Variants in SLC7A1 observed in about 807,000 individuals in gnomAD.
The protein encoded by SLC7A1 is high affinity cationic amino acid transporter 1.
A neutral mutation model predicts 53.9 loss-of-function variants in SLC7A1; 10 were observed. The observed-to-expected ratio is 0.19, with a 90% CI of 0.11 to 0.31. The LOEUF is 0.31. SLC7A1 is among the 10% of genes least tolerant of loss of function. The pLI, the probability that SLC7A1 is intolerant of heterozygous loss-of-function variation, is 1.00. For synonymous variants in SLC7A1, 342 were observed against 338.7 expected, an observed-to-expected ratio of 1.01 and a Z score of -0.11; for missense variants, 525 against 827.2, an observed-to-expected ratio of 0.63 and a Z score of 4.48.
At chr13:29,593,998 T>C (rs1313493827) in intron 1 of SLC7A1, among the ~76,000 whole-genome samples, 2 of 152,244 alleles carry the variant, frequency 1.3e-5, no homozygotes, top group Non-Finnish European at 1.5e-5. Context: ...CCTAAGTTTC[T>C]ATTCTGTTCG....
intron 5 of SLC7A1, among the ~76,000 whole-genome samples, chr13:29,527,571 C>A (rs1162596252): frequency 1.3e-5 from 2 of 152,210 alleles, no homozygotes; most frequent in Non-Finnish European, 2.9e-5. Flanking sequence ...AAGAGAGGGG[C>A]TGCCAAGAGC....
chr13:29,570,583 C>G (rs1002074776), intron 1 of SLC7A1, among the ~76,000 whole-genome samples: 2 of 152,158 alleles, frequency 1.3e-5, no homozygotes, highest in Admixed American at 6.5e-5. Context: ...CACGGTGGCT[C>G]ACGTCTATAA....
chr13:29,584,046 C>T (rs1226481409), intron 1 of SLC7A1, among the ~76,000 whole-genome samples: 1 of 152,146 alleles, frequency 6.6e-6, no homozygotes, highest in Admixed American at 6.5e-5. Context: ...TATATAACAG[C>T]ATCAGATCAA....
At chr13:29,563,768 T>C (rs1014077729) in intron 1 of SLC7A1, among the ~76,000 whole-genome samples, 7 of 152,186 alleles carry the variant, frequency 4.6e-5, no homozygotes, top group African/African-American at 1.7e-4. Flanking sequence ...CATCCCCACT[T>C]TATGGATGAG....
chr13:29,541,361 C>CA (rs1244663840), intron 2 of SLC7A1, among the ~76,000 whole-genome samples: 3 of 152,174 alleles, frequency 2.0e-5, no homozygotes, highest in Admixed American at 6.5e-5. Flanking sequence ...GAAAGAGACT[C>CA]AGAACAGAAA....
In SLC7A1 at chr13:29,513,783, C is replaced by G. The variant is rs1025006103; in HGVS notation, c.*697G>C. The G allele has an allele frequency of 6.6e-6, 1 of 152,400 alleles. No individual in the cohort carries two copies. Among genetic ancestry groups the G allele is most frequent in the African/African-American group, 2.4e-5 (1 of 41,468 alleles). 9.4% of individuals were successfully genotyped at this position (152,400 alleles called of 1,614,324 possible). On this transcript the variant is annotated 3_prime_UTR_variant, in exon 13 of 13. Coordinates refer to ENST00000380752, the MANE Select transcript of SLC7A1 (RefSeq NM_003045.5). ...CACACATGCATAAGCAAAGCAGGCC[C>G]TAATGGGAGTGATCCCTTCTTCCTC...
chr13:29,550,540 G>C lies in SLC7A1; in HGVS notation c.-15+3221C>G, dbSNP rs1870130121. On this transcript the variant is annotated intron_variant, in intron 2 of 12. Transcript: ENST00000380752. ...AGATGGCTTCTGGGAGATGCAGGCAGCTGCTAGGAACTGCGAGTGGCCTCT... is the reference window on the plus strand; with the variant it reads ...AGATGGCTTCTGGGAGATGCAGGCACCTGCTAGGAACTGCGAGTGGCCTCT... 2.6e-5 allele frequency among the ~76,000 whole-genome samples: 4 copies of C among 152,240 alleles called. No individual in the cohort carries two copies. The South Asian group carries it at 8.3e-4, about 31-fold the overall frequency.
In SLC7A1 at chr13:29,595,562, G is replaced by C. The variant is rs1440287366; in HGVS notation, c.-261C>G. ...GCGCGGGGAGAGGAGTGGAGGCTGC[G>C]GTTAGCGGGAGCCCGCGGCCGCGTG... On this transcript the variant is annotated 5_prime_UTR_variant, in exon 1 of 13. Transcript: ENST00000380752. 2 of 151,566 alleles carry C rather than the reference G, an allele frequency of 1.3e-5. No individual in the cohort carries two copies. The highest frequency in any genetic ancestry group is 2.4e-5 in the African/African-American group (1 of 41,258). 9.4% of individuals were successfully genotyped at this position (151,566 alleles called of 1,614,324 possible). A position where few individuals can be genotyped will look rare whatever the true frequency, so the allele number is the denominator to read the frequency against.
In SLC7A1 at chr13:29,536,088, G is replaced by C. The variant is rs1353014705; in HGVS notation, c.101C>G (p.Thr34Ser). The C allele has an allele frequency of 6.2e-7, 1 of 1,614,006 alleles. No individual in the cohort carries two copies. ...EETRLSRCLNTFDLVALGVGS... is the reference protein window; with the variant it reads ...EETRLSRCLNSFDLVALGVGS... ...CACCCCGAGGGCCACCAGATCAAAA[G>C]TGTTCAGGCAGCGAGACAGCCGCGT... Residue 34 changes from threonine to serine, a missense_variant, in exon 3 of 13, where the codon ACT (threonine) becomes AGT (serine). By Grantham distance (58) the Thr-to-Ser change is moderately conservative. Coordinates refer to ENST00000380752, the MANE Select transcript of SLC7A1 (RefSeq NM_003045.5).
chr13:29,559,949 T>C (rs942179281), intron 1 of SLC7A1, among the ~76,000 whole-genome samples: 1 of 152,122 alleles, frequency 6.6e-6, no homozygotes, highest in Non-Finnish European at 1.5e-5. Flanking sequence ...TCTCCTGACC[T>C]TGTGATCCGC....
intron 5 of SLC7A1, among the ~76,000 whole-genome samples, chr13:29,529,085 C>T (rs1424778648): frequency 6.6e-6 from 1 of 152,194 alleles, no homozygotes; most frequent in African/African-American, 2.4e-5. Flanking sequence ...TCACTCCACC[C>T]TAGATTAATG....
At chr13:29,525,999 G>A (rs1868871082) in intron 5 of SLC7A1, among the ~76,000 whole-genome samples, 1 of 152,226 alleles carries the variant, frequency 6.6e-6, no homozygotes, top group South Asian at 2.1e-4. Flanking sequence ...GGCCTATGCT[G>A]AAGACAAAGC....
At chr13:29,540,984 G>C (rs1869638523) in intron 2 of SLC7A1, among the ~76,000 whole-genome samples, 1 of 152,206 alleles carries the variant, frequency 6.6e-6, no homozygotes, top group South Asian at 2.1e-4. Context: ...CAGCTGCTCA[G>C]CAGTCAAGGA....
intron 1 of SLC7A1, among the ~76,000 whole-genome samples, chr13:29,585,510 G>C (rs1323079866): frequency 6.6e-6 from 1 of 151,818 alleles, no homozygotes; most frequent in African/African-American, 2.4e-5. Flanking sequence ...CTCTGTGTGT[G>C]TACTTGATTA....
intron 1 of SLC7A1, among the ~76,000 whole-genome samples, chr13:29,589,524 AC>A: frequency 6.6e-6 from 1 of 152,124 alleles, no homozygotes; most frequent in Non-Finnish European, 1.5e-5. Context: ...TGCCCCAAGG[AC>A]CCCAGGGCTC....
chr13:29,560,015 C>T (rs3011608), intron 1 of SLC7A1, among the ~76,000 whole-genome samples: 4,862 of 152,078 alleles, frequency 0.032, 242 homozygotes, highest in African/African-American at 0.11. Context: ...GCACCCGGAC[C>T]TTTTTTTTAA....
rs762567418 is a variant in SLC7A1 at position 29,519,567 on chromosome 13, C to T, written c.1190-18G>A. Reference sequence around the variant, plus strand: ...CATCACAGCTGGGAAGAGACAGACACCAGGATCTGTGGAGGGCCATCTGCA... The same window carrying T: ...CATCACAGCTGGGAAGAGACAGACATCAGGATCTGTGGAGGGCCATCTGCA... On this transcript the variant is annotated intron_variant, in intron 8 of 12. Transcript: ENST00000380752. The T allele has an allele frequency of 4.6e-6, 7 of 1,525,722 alleles. No homozygotes were observed. Among genetic ancestry groups the T allele is most frequent in the Non-Finnish European group, 5.4e-6 (6 of 1,101,900 alleles). The allele number at this position is 1,525,722 out of a possible 1,614,324, so 94.5% of individuals were successfully genotyped here.
At chr13:29,572,127 C>G (rs1003102074) in intron 1 of SLC7A1, among the ~76,000 whole-genome samples, 3 of 152,224 alleles carry the variant, frequency 2.0e-5, no homozygotes, top group African/African-American at 7.2e-5. Context: ...TGACACTGCC[C>G]CAAAACGCAG....
In SLC7A1 at chr13:29,552,556, T is replaced by C. The variant is rs753146827; in HGVS notation, c.-15+1205A>G. Among the ~76,000 whole-genome samples, 167 of 152,276 alleles carry C rather than the reference T, an allele frequency of 1.1e-3. 1 individual carries two copies. The highest frequency in any genetic ancestry group is 1.4e-3 in the Non-Finnish European group (96 of 68,026). On this transcript the variant is annotated intron_variant, in intron 2 of 12. Transcript: ENST00000380752. Reference sequence around the variant, plus strand: ...ATTGAAGGTCGTTGGTTTACCGGAATGAGGGCAAGGAACACCTGGCCCACC... The same window carrying C: ...ATTGAAGGTCGTTGGTTTACCGGAACGAGGGCAAGGAACACCTGGCCCACC...
Sources: gnomAD v4.1 joint callset for allele counts (sites outside exome capture counted in the v4.1 genomes callset) on GRCh38, gnomAD v4.1.1 for gene constraint, MANE v1.5 for transcripts, NCBI Gene and HGNC (gene_info 2026-07-23, HGNC 2026-07-21) for gene names.